The following HCRTR2 variants were observed in gnomAD, a reference collection of about 807,000 sequenced individuals.
HCRTR2 encodes the protein hypocretin receptor 2.
HCRTR2 carries 22 observed loss-of-function variants against 49.0 expected under a neutral mutation model. The observed-to-expected ratio is 0.45, with a 90% CI of 0.32 to 0.64. The LOEUF (loss-of-function observed/expected upper bound fraction) is 0.64. HCRTR2 is among the 30% of genes least tolerant of loss of function. The probability of loss-of-function intolerance (pLI) is 0.04; values close to 1 mark genes in which losing one functional copy is unlikely to be tolerated. For missense variants in HCRTR2, 491 were observed against 559.4 expected (o/e 0.88, Z 1.23); for synonymous variants, 236 against 205.3 (o/e 1.15, Z -1.28).
intron 1 of HCRTR2, among the ~76,000 whole-genome samples, chr6:55,154,583 A>T (rs764805993): frequency 6.6e-6 from 1 of 151,860 alleles, no homozygotes; most frequent in African/African-American, 2.4e-5. Context: ...TGAGAAATTG[A>T]AAGCTTTTCT....
chr6:55,165,207 G>T (rs1183730538), intron 1 of HCRTR2, among the ~76,000 whole-genome samples: 1 of 146,860 alleles, frequency 6.8e-6, no homozygotes, highest in African/African-American at 2.5e-5. Flanking sequence ...AAGAGTTACT[G>T]GCCTTAAAAA....
intron 3 of HCRTR2, among the ~76,000 whole-genome samples, chr6:55,257,147 TA>T (rs1382571863): frequency 9.9e-5 from 15 of 152,014 alleles, no homozygotes; most frequent in African/African-American, 3.1e-4. Context: ...TTCTGGAACA[TA>T]GGGGCAGATA....
At chr6:55,223,595 C>T (rs1765940070) in intron 1 of HCRTR2, among the ~76,000 whole-genome samples, 1 of 152,026 alleles carries the variant, frequency 6.6e-6, no homozygotes, top group African/African-American at 2.4e-5. Context: ...ACTTTTGTCA[C>T]TTATGTTATT....
At chr6:55,250,724 C>T (rs956144026) in intron 2 of HCRTR2, among the ~76,000 whole-genome samples, 2 of 152,108 alleles carry the variant, frequency 1.3e-5, no homozygotes, top group African/African-American at 2.4e-5. Flanking sequence ...CACTTACAGT[C>T]CTCTTTCACA....
chr6:55,180,385 A>G (rs189040463), intron 1 of HCRTR2, among the ~76,000 whole-genome samples: 1 of 152,208 alleles, frequency 6.6e-6, no homozygotes, highest in African/African-American at 2.4e-5. Flanking sequence ...AGATACTTAG[A>G]TGTGCCCTCT....
Position 55,258,386 on chromosome 6 carries a change from T to C in HCRTR2, c.646+3007T>C, listed in dbSNP as rs76947110. On this transcript the variant is annotated intron_variant, in intron 3 of 6. Coordinates refer to ENST00000370862, the MANE Select transcript of HCRTR2 (RefSeq NM_001384272.1). ...AGTTGATACATATCTATCAAATAAC[T>C]TTTGGAAAAGTTCTGTAAATGCTGT... Among the ~76,000 whole-genome samples, 1,437 of 152,230 alleles carry C rather than the reference T, an allele frequency of 9.4e-3. 26 individuals are homozygous for C. The highest frequency in any genetic ancestry group is 0.033 in the African/African-American group (1,354 of 41,564).
At chr6:55,215,630 T>G (rs1014085364) in intron 1 of HCRTR2, among the ~76,000 whole-genome samples, 2 of 152,140 alleles carry the variant, frequency 1.3e-5, no homozygotes, top group African/African-American at 2.4e-5. Context: ...AAATTATTAA[T>G]GAATACACAA....
At chr6:55,258,809 T>G (rs1163270856) in intron 3 of HCRTR2, among the ~76,000 whole-genome samples, 2 of 152,038 alleles carry the variant, frequency 1.3e-5, no homozygotes, top group African/African-American at 2.4e-5. Context: ...TCCCAGCACT[T>G]TGGGAGGCCG....
chr6:55,264,901 CACAA>C (rs1562026966), intron 4 of HCRTR2, among the ~76,000 whole-genome samples: 1 of 152,066 alleles, frequency 6.6e-6, no homozygotes, highest in Non-Finnish European at 1.5e-5. Context: ...AAAAAGATTT[CACAA>C]ACACTTTATT....
intron 1 of HCRTR2, among the ~76,000 whole-genome samples, chr6:55,235,793 G>T (rs1766203360): frequency 6.6e-6 from 1 of 151,914 alleles, no homozygotes. Flanking sequence ...ATATACGTAG[G>T]TGTGGATCTC....
At chr6:55,238,166 C>A (rs893196257) in intron 1 of HCRTR2, among the ~76,000 whole-genome samples, 1 of 152,092 alleles carries the variant, frequency 6.6e-6, no homozygotes, top group Non-Finnish European at 1.5e-5. Flanking sequence ...ACAAAGCTAC[C>A]TCATTATCCT....
At chr6:55,220,799 G>A (rs1299580260) in intron 1 of HCRTR2, among the ~76,000 whole-genome samples, 2 of 152,150 alleles carry the variant, frequency 1.3e-5, no homozygotes, top group South Asian at 2.1e-4. Flanking sequence ...AATCTTATAT[G>A]TAGAAAATTC....
intron 1 of HCRTR2, among the ~76,000 whole-genome samples, chr6:55,201,589 A>G (rs766158753): frequency 1.3e-5 from 2 of 152,174 alleles, no homozygotes; most frequent in Non-Finnish European, 2.9e-5. Context: ...ATAAGCAAAT[A>G]TATAAATTAA....
intron 1 of HCRTR2, among the ~76,000 whole-genome samples, chr6:55,182,173 T>A (rs1008906086): frequency 2.0e-5 from 3 of 152,224 alleles, no homozygotes; most frequent in South Asian, 2.1e-4. Flanking sequence ...TTGTGCACTA[T>A]CCCTAAAAGG....
At chr6:55,248,368 T>A (rs545826664) in intron 1 of HCRTR2, among the ~76,000 whole-genome samples, 2 of 152,204 alleles carry the variant, frequency 1.3e-5, no homozygotes, top group Admixed American at 6.6e-5. Context: ...AAGACCATTT[T>A]AAAACATCTG....
intron 1 of HCRTR2, among the ~76,000 whole-genome samples, chr6:55,226,589 G>C (rs1766008814): frequency 6.6e-6 from 1 of 152,094 alleles, no homozygotes; most frequent in African/African-American, 2.4e-5. Context: ...GATTACAGGT[G>C]TGAGCCACTG....
chr6:55,194,200 C>A (rs3122170), intron 1 of HCRTR2, among the ~76,000 whole-genome samples: 129,692 of 152,126 alleles, frequency 0.85, 55,685 homozygotes, highest in East Asian at 0.97. Flanking sequence ...GCTAGCTTGC[C>A]GGCTTGAGTT....
intron 3 of HCRTR2, among the ~76,000 whole-genome samples, chr6:55,261,416 T>G (rs1355888462): frequency 6.6e-6 from 1 of 152,110 alleles, no homozygotes; most frequent in Non-Finnish European, 1.5e-5. Context: ...ATTTTTTATT[T>G]TATTTTTTGA....
chr6:55,274,212 T>C (rs982434524), intron 4 of HCRTR2, among the ~76,000 whole-genome samples: 2 of 140,094 alleles, frequency 1.4e-5, no homozygotes, highest in African/African-American at 2.6e-5. Context: ...TTCTTTATTA[T>C]CTCTCTGCAA....
Sources: allele counts gnomAD v4.1 joint callset (sites outside exome capture counted in the v4.1 genomes callset), GRCh38; gene constraint gnomAD v4.1.1; transcripts MANE v1.5; gene names NCBI Gene and HGNC (gene_info 2026-07-23, HGNC 2026-07-21).